Variants in CDYL observed in about 807,000 individuals in gnomAD.
The protein encoded by CDYL is chromodomain Y-like protein.
In CDYL, 8 loss-of-function variants were observed where a neutral mutation model predicts 47.3. That is an observed-to-expected ratio of 0.17 (90% confidence interval 0.10 to 0.31). The LOEUF is 0.31. Ranked by LOEUF, CDYL falls within the 10% of genes least tolerant of loss-of-function variation. The pLI is 1.00. For missense variants in CDYL, 471 were observed against 701.4 expected, an observed-to-expected ratio of 0.67 and a Z score of 3.71; for synonymous variants, 266 against 265.0, an observed-to-expected ratio of 1.00 and a Z score of -0.04.
intron 1 of CDYL, among the ~76,000 whole-genome samples, chr6:4,831,318 C>G (rs1760137227): frequency 6.6e-6 from 1 of 152,144 alleles, no homozygotes; most frequent in Non-Finnish European, 1.5e-5. Flanking sequence ...TTTCCCTGCA[C>G]CATTTATTAA....
chr6:4,924,790 A>G (rs1383385010), intron 2 of CDYL, among the ~76,000 whole-genome samples: 2 of 152,228 alleles, frequency 1.3e-5, no homozygotes, highest in Non-Finnish European at 2.9e-5. Flanking sequence ...AAAAATCGCC[A>G]CACTGCAAAA....
At chr6:4,851,170 TC>T (rs1446599354) in intron 1 of CDYL, among the ~76,000 whole-genome samples, 1 of 152,194 alleles carries the variant, frequency 6.6e-6, no homozygotes, top group East Asian at 1.9e-4. Context: ...ATCTGGGTCT[TC>T]CAACTTTGAG....
At chr6:4,807,947 T>C (rs1360882886) in intron 1 of CDYL, among the ~76,000 whole-genome samples, 1 of 152,126 alleles carries the variant, frequency 6.6e-6, no homozygotes, top group East Asian at 1.9e-4. Flanking sequence ...TTTAACTCTA[T>C]GTATTATAAT....
intron 4 of CDYL, among the ~76,000 whole-genome samples, chr6:4,940,354 T>C (rs114873564): frequency 0.015 from 2,276 of 152,360 alleles, 29 homozygotes; most frequent in South Asian, 0.031. Context: ...ACCTTTCCTT[T>C]TCTTATTTGC....
upstream of CDYL, among the ~76,000 whole-genome samples, chr6:4,772,206 T>G (rs137980309): frequency 6.6e-6 from 1 of 152,262 alleles, no homozygotes; most frequent in Non-Finnish European, 1.5e-5. Context: ...TGTTAAGAGG[T>G]CTCAGAATTG....
At chr6:4,710,511 T>A (rs1034547473) in intron 1 of CDYL, among the ~76,000 whole-genome samples, 1 of 150,744 alleles carries the variant, frequency 6.6e-6, no homozygotes, top group African/African-American at 2.5e-5. Context: ...CCACTGCTTT[T>A]TTGGTCCCTT....
At chr6:4,885,893 A>G (rs376584713) in intron 1 of CDYL, among the ~76,000 whole-genome samples, 3 of 152,260 alleles carry the variant, frequency 2.0e-5, no homozygotes, top group East Asian at 1.9e-4. Context: ...TCCATTAGCT[A>G]TCATCTTCCT....
At chr6:4,842,588 C>A (rs1286837056) in intron 1 of CDYL, among the ~76,000 whole-genome samples, 1 of 152,042 alleles carries the variant, frequency 6.6e-6, no homozygotes, top group Non-Finnish European at 1.5e-5. Flanking sequence ...AATAGCTACT[C>A]CTGCTTGCTT....
intron 3 of CDYL, among the ~76,000 whole-genome samples, chr6:4,745,280 A>C (rs1757868972): frequency 6.6e-6 from 1 of 152,194 alleles, no homozygotes; most frequent in Admixed American, 6.5e-5. Context: ...ATACTTTACT[A>C]ATTTGTATTA....
chr6:4,807,306 A>G (rs60624800), intron 1 of CDYL, among the ~76,000 whole-genome samples: 14,787 of 152,192 alleles, frequency 0.097, 2,395 homozygotes, highest in African/African-American at 0.34. Context: ...TATTAACTGT[A>G]ATCACTTGGT....
intron 1 of CDYL, among the ~76,000 whole-genome samples, chr6:4,855,103 G>A (rs146269194): frequency 5.5e-4 from 83 of 152,204 alleles, no homozygotes; most frequent in African/African-American, 2.0e-3. Flanking sequence ...TGGATAATAC[G>A]CTTAGGATTT....
intron 3 of CDYL, among the ~76,000 whole-genome samples, chr6:4,737,815 G>A (rs956386836): frequency 3.3e-5 from 5 of 151,932 alleles, no homozygotes; most frequent in Admixed American, 1.3e-4. Flanking sequence ...GTGAGCCATC[G>A]CACCAGCTGG....
rs1253487624 is a variant in CDYL, at chr6:4,733,649, T to TACCC, written c.104-1113_104-1112insACCC. Among the ~76,000 whole-genome samples the TACCC allele has an allele frequency of 7.2e-5, 11 of 152,262 alleles. No homozygotes were observed. In the East Asian group the frequency reaches 1.7e-3, roughly 24 times the overall value. On this transcript the variant is annotated intron_variant, in intron 2 of 8. Coordinates refer to the CDYL transcript ENST00000328908. ...TTTAAGAGAAACTTCATTCTGGTCATTAAGACTCCATCTCAGGTATGAAAA... is the reference window on the plus strand; with the variant it reads ...TTTAAGAGAAACTTCATTCTGGTCATACCCTAAGACTCCATCTCAGGTATGAAAA...
rs181808099 is a variant in CDYL at position 4,845,534 on chromosome 6, T to C, written c.25-46179T>C. Among the ~76,000 whole-genome samples the C allele has an allele frequency of 1.8e-4, 28 of 152,350 alleles. No homozygotes were observed. The East Asian group carries it at 3.1e-3, about 17-fold the overall frequency. ...GCTTTTACGATATTATTAACAGTAGTGTTTAACCTTTTAAGGCAGGATTCA... is the reference window on the plus strand; with the variant it reads ...GCTTTTACGATATTATTAACAGTAGCGTTTAACCTTTTAAGGCAGGATTCA... On this transcript the variant is annotated intron_variant, in intron 1 of 6. Transcript: ENST00000397588.
intron 1 of CDYL, among the ~76,000 whole-genome samples, chr6:4,870,215 C>T (rs535688942): frequency 6.7e-6 from 1 of 149,886 alleles, no homozygotes; most frequent in African/African-American, 2.5e-5. Flanking sequence ...CAGGTGTGTG[C>T]CACTGAGGTG....
intron 3 of CDYL, among the ~76,000 whole-genome samples, chr6:4,744,501 A>G (rs1757853313): frequency 6.6e-6 from 1 of 152,208 alleles, no homozygotes; most frequent in African/African-American, 2.4e-5. Flanking sequence ...GTCTCAAAAA[A>G]AAAAATTGCC....
At chr6:4,953,253 G>A (rs1758763486) in intron 6 of CDYL, among the ~76,000 whole-genome samples, 1 of 151,682 alleles carries the variant, frequency 6.6e-6, no homozygotes, top group Admixed American at 6.6e-5. Flanking sequence ...GCTTGGTGGT[G>A]CACGCCTGTA....
At chr6:4,718,649 A>G (rs150158684) in intron 2 of CDYL, 56 of 152,340 alleles carry the variant, frequency 3.7e-4, no homozygotes, top group Admixed American at 8.5e-4. Context: ...GCCAGAAGTA[A>G]TATCATTTAT....
chr6:4,943,946 T>G (rs1486628452), intron 5 of CDYL, 190 bp downstream of exon 5: 4 of 499,748 alleles, frequency 8.0e-6, no homozygotes, highest in African/African-American at 7.6e-5. Context: ...AAGGACTTCA[T>G]TCACTGAGGA....
Sources: allele counts gnomAD v4.1 joint callset (sites outside exome capture counted in the v4.1 genomes callset), GRCh38; gene constraint gnomAD v4.1.1; transcripts MANE v1.5; gene names NCBI Gene and HGNC (gene_info 2026-07-23, HGNC 2026-07-21).